The following POP1 variants were observed in gnomAD, a reference collection of about 807,000 sequenced individuals.
POP1 encodes ribonucleases P/MRP protein subunit POP1.
POP1 carries 75 observed loss-of-function variants against 102.2 expected under a neutral mutation model. The ratio of observed to expected loss-of-function variants is 0.73; its 90% CI spans 0.61 to 0.89. The LOEUF (loss-of-function observed/expected upper bound fraction) is 0.89, where lower values mean the gene tolerates loss of function less well. Among genes scored for constraint, POP1 ranks in the 40% least tolerant of loss-of-function variants. The pLI is 0.00. For missense variants in POP1, 1,116 were observed against 1,267.4 expected (o/e 0.88, Z 1.81); for synonymous variants, 436 against 464.1 (o/e 0.94, Z 0.78).
At chr8:98,118,192 G>A (rs964221284) in intron 1 of POP1, among the ~76,000 whole-genome samples, 1 of 151,944 alleles carries the variant, frequency 6.6e-6, no homozygotes, top group African/African-American at 2.4e-5. Flanking sequence ...CATTGGTTTG[G>A]GGCCTGGAAT....
At chr8:98,142,310 GC>G (rs374466777) in intron 11 of POP1, among the ~76,000 whole-genome samples, 5 of 152,228 alleles carry the variant, frequency 3.3e-5, no homozygotes, top group African/African-American at 1.2e-4. Flanking sequence ...TTCTGCCTCG[GC>G]CTCCCAAAGT....
rs369408285 is a variant in POP1, at chr8:98,138,847, C to CTTT, written c.1363-1214_1363-1212dup. ...GTAAATGGTACCTTTGTTATGATTG[C>CTTT]TTTTTTTTTTTTTTTTTTTGTTTGA... On this transcript the variant is annotated intron_variant, in intron 9 of 15. Transcript: ENST00000401707. Among the ~76,000 whole-genome samples, 319 of 130,848 alleles carry CTTT rather than the reference C, an allele frequency of 2.4e-3. 2 individuals carry two copies. Among genetic ancestry groups the CTTT allele is most frequent in the African/African-American group, 4.4e-3 (154 of 35,044 alleles). The allele number at this position is 130,848 out of a possible 152,430, so 85.8% of individuals were successfully genotyped here.
At chr8:98,133,537 TTATTTTACTC>T (rs1246159969) in intron 5 of POP1, among the ~76,000 whole-genome samples, 3 of 152,216 alleles carry the variant, frequency 2.0e-5, no homozygotes, top group Non-Finnish European at 4.4e-5. Flanking sequence ...ACTGTTTTGC[TTATTTTACTC>T]TGGTTTCTTA....
At chr8:98,144,249 T>G (rs1318914822) in intron 11 of POP1, among the ~76,000 whole-genome samples, 1 of 152,150 alleles carries the variant, frequency 6.6e-6, no homozygotes, top group African/African-American at 2.4e-5. Flanking sequence ...ACATACTGTC[T>G]ACTTTGTTTT....
intron 15 of POP1, among the ~76,000 whole-genome samples, chr8:98,156,988 G>A (rs193150855): frequency 0.027 from 3,999 of 150,804 alleles, 168 homozygotes; most frequent in African/African-American, 0.084. Context: ...TGCAACCTCG[G>A]CCTCCTGGGT....
intron 2 of POP1, among the ~76,000 whole-genome samples, chr8:98,126,510 C>T (rs1345166923): frequency 6.6e-6 from 1 of 152,118 alleles, no homozygotes; most frequent in Non-Finnish European, 1.5e-5. Context: ...TTTCCAAGCA[C>T]TCCCAGATTT....
rs562269566 is a variant in POP1, at chr8:98,159,076, A to G, written c.*805A>G. On this transcript the variant is annotated 3_prime_UTR_variant, in exon 16 of 16. Transcript: ENST00000401707. ...TAAGAGATTCCAAGGTCAGGTTGAT[A>G]TGGAAACTCTAGGTTAAATAAAGTT... 17 of 152,208 alleles carry G rather than the reference A, an allele frequency of 1.1e-4. No individual in the cohort carries two copies. Among genetic ancestry groups the G allele is most frequent in the Non-Finnish European group, 2.1e-4 (14 of 68,030 alleles). 9.4% of individuals were successfully genotyped at this position (152,208 alleles called of 1,614,324 possible). A position where few individuals can be genotyped will look rare whatever the true frequency, so the allele number is the denominator to read the frequency against.
chr8:98,156,505 C>A, intron 15 of POP1, 93 bp downstream of exon 15: 2 of 1,507,998 alleles, frequency 1.3e-6, no homozygotes, highest in Non-Finnish European at 1.8e-6. Context: ...TTTGTTTATG[C>A]AAAATCCAAG....
chr8:98,136,972 T>G lies in POP1; in HGVS notation c.1362+18T>G, dbSNP rs2130604296. The G allele has an allele frequency of 6.4e-7, 1 of 1,561,382 alleles. No homozygotes were observed. On this transcript the variant is annotated intron_variant, in intron 9 of 15. Transcript: ENST00000401707. ...TCCACACTGTAAGAGTAAAAGTGAC[T>G]GTAGTGTTTTATTCTAATCATGTTT... is the stretch of plus-strand genomic sequence containing the variant.
At position 98,146,642 on chromosome 8, in the gene POP1, GATATCTGTA is replaced by G; in HGVS notation, c.1671_1679del (p.Asp557_Lys560delinsGlu). 1 of 1,613,858 alleles carries G rather than the reference GATATCTGTA, an allele frequency of 6.2e-7. No homozygotes were observed. Among genetic ancestry groups the G allele is most frequent in the Non-Finnish European group, 8.5e-7 (1 of 1,179,754 alleles). On this transcript the variant is annotated inframe_deletion, in exon 12 of 16. Transcript: ENST00000401707. ...TACGCATAGCTTTATCTGGAACCAA[GATATCTGTA>G]AGAGTGTCACAGAGAATAAAATCTC...
chr8:98,136,050 G>A (rs1241340006), intron 7 of POP1, among the ~76,000 whole-genome samples: 1 of 148,860 alleles, frequency 6.7e-6, no homozygotes, highest in Non-Finnish European at 1.5e-5. Context: ...TAATTTGTGA[G>A]GGAATACAAA....
At chr8:98,149,046 A>AT (rs1225376316) in intron 13 of POP1, 40 bp downstream of exon 13, 127 of 1,533,522 alleles carry the variant, frequency 8.3e-5, no homozygotes, top group Non-Finnish European at 1.1e-4. Context: ...AATATTTAAA[A>AT]TACATTCCTA....
intron 4 of POP1, 99 bp from the exon 5 acceptor site, chr8:98,129,879 A>G: frequency 2.9e-6 from 4 of 1,364,604 alleles, no homozygotes; most frequent in Non-Finnish European, 3.1e-6. Context: ...TCTATAAAAT[A>G]TTCCACTTAA....
intron 14 of POP1, among the ~76,000 whole-genome samples, chr8:98,153,803 T>C (rs893636169): frequency 5.9e-5 from 9 of 152,320 alleles, no homozygotes; most frequent in African/African-American, 1.9e-4. Context: ...CCCAAAGTGC[T>C]GGGATTAGAG....
chr8:98,141,495 ATAAT>A (rs1399230166), intron 11 of POP1, among the ~76,000 whole-genome samples: 2 of 152,206 alleles, frequency 1.3e-5, no homozygotes, highest in African/African-American at 2.4e-5. Context: ...AATTGGAAGA[ATAAT>A]TAAAATTACC....
chr8:98,140,125 C>T lies in POP1; in HGVS notation c.1410C>T (p.Thr470=), dbSNP rs751865915. 2.2e-5 allele frequency: 35 copies of T among 1,614,008 alleles called. No homozygotes were observed. Among genetic ancestry groups the T allele is most frequent in the Non-Finnish European group, 2.6e-5 (31 of 1,180,036 alleles). Reference sequence around the variant, plus strand: ...CACCTCACCGCTGGTGGATAGAAACCTGTAAGAAACCTGACAGCGTTTCCC... The same window carrying T: ...CACCTCACCGCTGGTGGATAGAAACTTGTAAGAAACCTGACAGCGTTTCCC... The part of the protein sequence containing the change: ...EETPHRWWIE[T]CKKPDSVSLH... Residue 470 remains threonine, a synonymous_variant, in exon 10 of 16, where the codon ACC becomes ACT. Coordinates refer to ENST00000401707, the MANE Select transcript of POP1 (RefSeq NM_001145860.2).
intron 11 of POP1, among the ~76,000 whole-genome samples, chr8:98,143,810 AC>A (rs1816771673): frequency 6.6e-6 from 1 of 152,208 alleles, no homozygotes; most frequent in Non-Finnish European, 1.5e-5. Context: ...ATCATACAAT[AC>A]ATAGCCTTTT....
At position 98,148,913 on chromosome 8, in the gene POP1, A is replaced by AG; in HGVS notation, c.1811dup (p.Val606SerfsTer4). 1 of 1,614,002 alleles carries AG rather than the reference A, an allele frequency of 6.2e-7. No homozygotes were observed. Among genetic ancestry groups the AG allele is most frequent in the Non-Finnish European group, 8.5e-7 (1 of 1,179,932 alleles). ...TACCTATACTTTTGATTCAGCAGCC[A>AG]GGAAAAGTGACTGGTGAAGATCGAC... On this transcript the variant is annotated frameshift_variant, in exon 13 of 16. Coordinates refer to ENST00000401707, the MANE Select transcript of POP1 (RefSeq NM_001145860.2). LOFTEE classifies it high-confidence loss of function.
At chr8:98,157,461 T>G (rs1304426551) in intron 15 of POP1, among the ~76,000 whole-genome samples, 156 bp from the exon 16 acceptor site, 1 of 152,232 alleles carries the variant, frequency 6.6e-6, no homozygotes, top group African/African-American at 2.4e-5. Flanking sequence ...AGTACTAAAA[T>G]GTACTACAGT....
Sources: allele counts gnomAD v4.1 joint callset (sites outside exome capture counted in the v4.1 genomes callset), GRCh38; gene constraint gnomAD v4.1.1; transcripts MANE v1.5; gene names NCBI Gene and HGNC (gene_info 2026-07-23, HGNC 2026-07-21).